Variants in ERBB4 observed in about 807,000 individuals in gnomAD.
ERBB4 encodes the protein erb-b2 receptor tyrosine kinase 4.
A neutral mutation model predicts 158.0 loss-of-function variants in ERBB4; 42 were observed. The observed-to-expected ratio is 0.27, with a 90% CI of 0.21 to 0.34. ERBB4 has a LOEUF of 0.34. Among genes scored for constraint, ERBB4 ranks in the 10% least tolerant of loss-of-function variants. The pLI, the probability that ERBB4 is intolerant of heterozygous loss-of-function variation, is 1.00. For missense variants in ERBB4, 1,333 were observed against 1,624.1 expected (o/e 0.82, Z 3.08); for synonymous variants, 583 against 558.7 (o/e 1.04, Z -0.61).
chr2:212,442,001 A>T (rs370581857), intron 1 of ERBB4, among the ~76,000 whole-genome samples: 41 of 152,218 alleles, frequency 2.7e-4, no homozygotes, highest in African/African-American at 9.4e-4. Flanking sequence ...AGTGGGAACC[A>T]CAGTCACTCA....
At chr2:212,148,728 C>T (rs947369477) in intron 1 of ERBB4, among the ~76,000 whole-genome samples, 47 of 150,024 alleles carry the variant, frequency 3.1e-4, no homozygotes, top group African/African-American at 7.9e-4. Flanking sequence ...ATGTTTATTG[C>T]GGCATTATTC....
chr2:212,461,519 C>G (rs576620134), intron 1 of ERBB4, among the ~76,000 whole-genome samples: 64 of 152,294 alleles, frequency 4.2e-4, no homozygotes, highest in Non-Finnish European at 7.2e-4. Context: ...TACCCCCACT[C>G]TATTTAGGAA....
chr2:211,737,433 T>C (rs1377104748), intron 5 of ERBB4, among the ~76,000 whole-genome samples: 1 of 152,168 alleles, frequency 6.6e-6, no homozygotes, highest in Non-Finnish European at 1.5e-5. Context: ...TTCCAGTGTA[T>C]ATACCGAAAT....
intron 7 of ERBB4, among the ~76,000 whole-genome samples, chr2:211,717,641 C>T (rs1463595724): frequency 6.6e-6 from 1 of 151,984 alleles, no homozygotes; most frequent in African/African-American, 2.4e-5. Flanking sequence ...ACAGCCTGGC[C>T]AACATGGTGA....
intron 4 of ERBB4, among the ~76,000 whole-genome samples, chr2:211,770,771 T>A (rs1454017957): frequency 5.3e-5 from 8 of 152,184 alleles, no homozygotes; most frequent in Non-Finnish European, 1.0e-4. Context: ...ATCAGGCTCT[T>A]AATACCTACC....
At chr2:212,202,627 C>T (rs992475893) in intron 1 of ERBB4, among the ~76,000 whole-genome samples, 2 of 152,118 alleles carry the variant, frequency 1.3e-5, no homozygotes, top group African/African-American at 4.8e-5. Context: ...AGGCATGAGC[C>T]ACCACACATA....
chr2:212,083,460 T>C (rs2078505918), intron 2 of ERBB4, among the ~76,000 whole-genome samples: 1 of 151,910 alleles, frequency 6.6e-6, no homozygotes, highest in Admixed American at 6.6e-5. Context: ...CAAAATGGAA[T>C]AAATAACATG....
intron 20 of ERBB4, among the ~76,000 whole-genome samples, chr2:211,445,892 G>A (rs1479891843): frequency 6.6e-6 from 1 of 152,124 alleles, no homozygotes; most frequent in Non-Finnish European, 1.5e-5. Context: ...GATGATACAG[G>A]TTGAGAAGAA....
chr2:211,669,004 C>T (rs996902056), intron 14 of ERBB4, among the ~76,000 whole-genome samples: 2 of 151,944 alleles, frequency 1.3e-5, no homozygotes, highest in South Asian at 4.1e-4. Context: ...GGGCAGATCA[C>T]TTGAGGCCAG....
At chr2:211,856,562 T>TG (rs1199585704) in intron 3 of ERBB4, among the ~76,000 whole-genome samples, 1 of 149,678 alleles carries the variant, frequency 6.7e-6, no homozygotes, top group Admixed American at 6.6e-5. Flanking sequence ...ATTTTTTTTT[T>TG]ATTTTCAGTA....
At chr2:212,382,636 A>G (rs2090546111) in intron 1 of ERBB4, among the ~76,000 whole-genome samples, 1 of 151,134 alleles carries the variant, frequency 6.6e-6, no homozygotes, top group Non-Finnish European at 1.5e-5. Context: ...AAAGAACTCT[A>G]CATTGTAACA....
intron 3 of ERBB4, among the ~76,000 whole-genome samples, chr2:211,827,408 T>C (rs1036891914): frequency 6.6e-6 from 1 of 152,068 alleles, no homozygotes; most frequent in African/African-American, 2.4e-5. Context: ...TTCATCATTA[T>C]TGACAATCCA....
intron 1 of ERBB4, among the ~76,000 whole-genome samples, chr2:212,256,045 G>A (rs2084728034): frequency 1.3e-5 from 2 of 150,180 alleles, no homozygotes; most frequent in Non-Finnish European, 3.0e-5. Flanking sequence ...TGTTACCCAG[G>A]TTGTTCTTGA....
At position 211,662,313 on chromosome 2, in the gene ERBB4, C is replaced by G. The variant is rs546617672; in HGVS notation, c.1871+3010G>C. ...CCTTGCCCTCCCCACAATTTAATTA[C>G]ATTGGTTAAGTTTACAAATCTTTAA... is the stretch of plus-strand genomic sequence containing the variant. On this transcript the variant is annotated intron_variant, in intron 15 of 27. Transcript: ENST00000342788. Among the ~76,000 whole-genome samples the G allele has an allele frequency of 2.0e-5, 3 of 152,118 alleles. No individual in the cohort carries two copies. In the South Asian group the frequency reaches 6.2e-4, roughly 32 times the overall value.
chr2:211,914,078 G>A (rs1471858425), intron 3 of ERBB4, among the ~76,000 whole-genome samples: 4 of 149,760 alleles, frequency 2.7e-5, no homozygotes, highest in Admixed American at 2.7e-4. Flanking sequence ...CAAGGAGTCT[G>A]GGCAGGCCAA....
chr2:211,709,941 A>G (rs963814848), intron 9 of ERBB4, among the ~76,000 whole-genome samples: 2 of 152,088 alleles, frequency 1.3e-5, no homozygotes, highest in African/African-American at 2.4e-5. Flanking sequence ...GGTACTTCTT[A>G]CACAAAAATG....
chr2:211,975,143 C>A (rs925389015), intron 2 of ERBB4, among the ~76,000 whole-genome samples: 1 of 152,024 alleles, frequency 6.6e-6, no homozygotes, highest in Non-Finnish European at 1.5e-5. Flanking sequence ...AACATACCTG[C>A]CTAATTTTTG....
intron 9 of ERBB4, among the ~76,000 whole-genome samples, chr2:211,710,409 T>A (rs1222734381): frequency 6.6e-6 from 1 of 152,162 alleles, no homozygotes; most frequent in Non-Finnish European, 1.5e-5. Context: ...TATATTGCCT[T>A]ACTAAATGTC....
intron 4 of ERBB4, among the ~76,000 whole-genome samples, chr2:211,764,569 G>T (rs2075501447): frequency 6.6e-6 from 1 of 152,186 alleles, no homozygotes; most frequent in African/African-American, 2.4e-5. Flanking sequence ...TACTACTACA[G>T]ATTAGGAAGC....
Sources: allele counts gnomAD v4.1 joint callset (sites outside exome capture counted in the v4.1 genomes callset), GRCh38; gene constraint gnomAD v4.1.1; transcripts MANE v1.5; gene names NCBI Gene and HGNC (gene_info 2026-07-23, HGNC 2026-07-21).